Variants in RBM41 observed in about 807,000 individuals in gnomAD.
RBM41 encodes the protein RNA binding motif protein 41, also known as RNA-binding protein 41.
A neutral mutation model predicts 30.8 loss-of-function variants in RBM41; 14 were observed. That is an observed-to-expected ratio of 0.45 (90% CI 0.30 to 0.71). RBM41 has a LOEUF of 0.71. RBM41 is among the 30% of genes least tolerant of loss of function. The pLI is 0.08. For synonymous variants in RBM41, 120 were observed against 110.1 expected (o/e 1.09, Z -0.56); for missense variants, 276 against 326.3 (o/e 0.85, Z 1.19).
At chrX:107,059,473 G>C (rs1402161296), downstream of RBM41, among the ~76,000 whole-genome samples, 1 of 111,219 alleles carries the variant, frequency 9.0e-6, no homozygotes, top group East Asian at 2.8e-4. Flanking sequence ...AAACCTGCAC[G>C]TCCTGCATAT....
At chrX:107,092,318 T>G (rs1426519158) in intron 5 of RBM41, among the ~76,000 whole-genome samples, 1 of 107,562 alleles carries the variant, frequency 9.3e-6, no homozygotes. Flanking sequence ...ACACAAAGAA[T>G]TATCAGAGAA....
intron 6 of RBM41, chrX:107,070,261 C>T (rs746551856): frequency 2.7e-4 from 88 of 329,603 alleles, no homozygotes; most frequent in Non-Finnish European, 4.4e-4. Context: ...TGGGGAATGC[C>T]ATACATGGCT....
rs1201115758 is a variant in RBM41 at position 107,062,807 on chromosome X, A to G, written c.*4720T>C. ...TAAATTTATTCAGAAATATCTATATACATACATACTATACATAAATGAATG... is the reference window on the plus strand; with the variant it reads ...TAAATTTATTCAGAAATATCTATATGCATACATACTATACATAAATGAATG... On this transcript the variant is annotated 3_prime_UTR_variant, in exon 8 of 8. Coordinates refer to ENST00000685964, the MANE Select transcript of RBM41 (RefSeq NM_001324242.2). Among the ~76,000 whole-genome samples the G allele has an allele frequency of 4.5e-5, 5 of 111,891 alleles. No individual in the cohort carries two copies.
At position 107,082,286 on chromosome X, in the gene RBM41, T is replaced by C. The variant is rs142919161; in HGVS notation, c.999+6150A>G. Reference sequence around the variant, plus strand: ...AAGTGACCATATGATTTTACTTCTTTAGTCTATTGATGTGGCAGATTATAT... The same window carrying C: ...AAGTGACCATATGATTTTACTTCTTCAGTCTATTGATGTGGCAGATTATAT... On this transcript the variant is annotated intron_variant, in intron 6 of 7. Transcript: ENST00000685964. Among the ~76,000 whole-genome samples the C allele has an allele frequency of 8.3e-3, 930 of 112,077 alleles. 10 individuals are homozygous for C. Among genetic ancestry groups the C allele is most frequent in the African/African-American group, 0.029 (899 of 30,958 alleles).
At chrX:107,100,585 A>G (rs1193433734) in intron 5 of RBM41, among the ~76,000 whole-genome samples, 1 of 112,164 alleles carries the variant, frequency 8.9e-6, no homozygotes, top group Non-Finnish European at 1.9e-5. Context: ...TACTCATCAG[A>G]TTAGAGTCTG....
In RBM41 at chrX:107,066,061, G is replaced by A. The variant is rs1019795346; in HGVS notation, c.*1466C>T. Among the ~76,000 whole-genome samples the A allele has an allele frequency of 2.7e-5, 3 of 111,607 alleles. No homozygotes were observed. Among genetic ancestry groups the A allele is most frequent in the African/African-American group, 6.5e-5 (2 of 30,729 alleles). On this transcript the variant is annotated 3_prime_UTR_variant, in exon 8 of 8. Coordinates refer to ENST00000685964, the MANE Select transcript of RBM41 (RefSeq NM_001324242.2). ...GATTATGTGAGATGTTTTATTTCAC[G>A]TTCATTTTTGAAAAATAGTTTTATT...
chrX:107,089,958 T>C (rs1271528785), intron 5 of RBM41, among the ~76,000 whole-genome samples: 2 of 112,486 alleles, frequency 1.8e-5, no homozygotes, highest in African/African-American at 6.5e-5. Flanking sequence ...AATTCTAAAA[T>C]GAACTTACCA....
At chrX:107,069,630 T>C (rs1935973835) in intron 6 of RBM41, 4 of 268,949 alleles carry the variant, frequency 1.5e-5, no homozygotes, top group African/African-American at 8.5e-5. Flanking sequence ...AATTTTTGTA[T>C]TTTTAGTAGA....
intron 6 of RBM41, among the ~76,000 whole-genome samples, chrX:107,086,854 A>G (rs1379735530): frequency 8.9e-6 from 1 of 112,417 alleles, no homozygotes; most frequent in Non-Finnish European, 1.9e-5. Context: ...ATGATGGTCT[A>G]TTTCTACAAT....
chrX:107,113,526 C>T (rs1924665303), intron 4 of RBM41, 58 bp from the exon 5 acceptor site: 2 of 974,705 alleles, frequency 2.1e-6, no homozygotes, highest in African/African-American at 4.0e-5. Context: ...ATTCATAAAC[C>T]ACCCACCCTC....
At position 107,064,220 on chromosome X, in the gene RBM41, TG is replaced by T. The variant is rs1392265208; in HGVS notation, c.*3306del. Among the ~76,000 whole-genome samples the T allele has an allele frequency of 9.0e-6, 1 of 111,172 alleles. No individual in the cohort carries two copies. The highest frequency in any genetic ancestry group is 1.9e-5 in the Non-Finnish European group (1 of 53,065). On this transcript the variant is annotated 3_prime_UTR_variant, in exon 8 of 8. Coordinates refer to ENST00000685964, the MANE Select transcript of RBM41 (RefSeq NM_001324242.2). ...CACCCGCCCCGGCCTCCCAAAGTGC[TG>T]GGATTACAGGCGTAAGCCACTGTGC... is the stretch of plus-strand genomic sequence containing the variant.
intron 5 of RBM41, among the ~76,000 whole-genome samples, chrX:107,100,113 A>G (rs891133900): frequency 8.9e-6 from 1 of 111,925 alleles, no homozygotes; most frequent in African/African-American, 3.3e-5. Context: ...CACATTTGAT[A>G]TTTTCCAAAA....
At chrX:107,103,612 A>G (rs1467910406) in intron 5 of RBM41, among the ~76,000 whole-genome samples, 1 of 111,925 alleles carries the variant, frequency 8.9e-6, no homozygotes, top group Non-Finnish European at 1.9e-5. Context: ...CAGCCCTAGG[A>G]AACTAATACA....
chrX:107,106,758 C>T (rs1207653690), intron 5 of RBM41, among the ~76,000 whole-genome samples: 4 of 108,688 alleles, frequency 3.7e-5, no homozygotes, highest in Non-Finnish European at 7.6e-5. Flanking sequence ...TCTCAGCAAA[C>T]TATTGCAAGG....
chrX:107,087,314 T>G lies in RBM41; in HGVS notation c.999+1122A>C, dbSNP rs1203097756. ...AACAAAGCTACCCTTGAACTAATAG[T>G]ATAAATACCCCCGAACTATTAGAAA... On this transcript the variant is annotated intron_variant, in intron 6 of 7. Transcript: ENST00000685964. Among the ~76,000 whole-genome samples the G allele has an allele frequency of 2.7e-5, 3 of 111,716 alleles. No homozygotes were observed. The Admixed American group carries it at 2.8e-4, about 11-fold the overall frequency.
intron 6 of RBM41, 72 bp downstream of exon 6, chrX:107,088,364 A>G (rs1922222443): frequency 1.0e-6 from 1 of 994,481 alleles, no homozygotes; most frequent in Non-Finnish European, 1.4e-6. Flanking sequence ...AGCTAATTTA[A>G]AAGTATTACT....
At chrX:107,061,473 A>C (rs1405237174), downstream of RBM41, among the ~76,000 whole-genome samples, 9 of 111,482 alleles carry the variant, frequency 8.1e-5, no homozygotes, top group African/African-American at 2.9e-4. Context: ...TTTTTATTGG[A>C]TTTTTTTATG....
At chrX:107,052,965 G>A in the RBM41 span, among the ~76,000 whole-genome samples, 2 of 112,158 alleles carry the variant, frequency 1.8e-5, no homozygotes, top group African/African-American at 3.2e-5. Context: ...CTCTTTTGGC[G>A]GTTAGCAAGT....
At chrX:107,079,514 A>T in intron 6 of RBM41, among the ~76,000 whole-genome samples, 1 of 111,538 alleles carries the variant, frequency 9.0e-6, no homozygotes, top group East Asian at 2.8e-4. Flanking sequence ...CAGACTCCAC[A>T]TATTTCCAAA....
Sources: allele counts gnomAD v4.1 joint callset (sites outside exome capture counted in the v4.1 genomes callset), GRCh38; gene constraint gnomAD v4.1.1; transcripts MANE v1.5; gene names NCBI Gene and HGNC (gene_info 2026-07-23, HGNC 2026-07-21).